NDST3: variants seen among roughly 807,000 people sequenced by gnomAD.
NDST3 encodes N-deacetylase and N-sulfotransferase 3, also known as bifunctional heparan sulfate N-deacetylase/N-sulfotransferase 3.
In NDST3, 58 loss-of-function variants were observed where a neutral mutation model predicts 96.1. The ratio of observed to expected loss-of-function variants is 0.60; its 90% confidence interval spans 0.49 to 0.75. NDST3 has a LOEUF of 0.75. Ranked by LOEUF, NDST3 falls within the 30% of genes least tolerant of loss-of-function variation. The pLI, the probability that NDST3 is intolerant of heterozygous loss-of-function variation, is 0.00. For missense variants in NDST3, 788 were observed against 1,034.2 expected, an observed-to-expected ratio of 0.76 and a Z score of 3.27; for synonymous variants, 333 against 359.7, an observed-to-expected ratio of 0.93 and a Z score of 0.84.
intron 2 of NDST3, chr4:118,055,337 A>G (rs7688063): frequency 0.78 from 156,278 of 200,310 alleles, 63,999 homozygotes; most frequent in South Asian, 0.92. Context: ...TTGGAAGTCA[A>G]ATATGCAGTG....
chr4:118,251,116 A>AT lies in NDST3; in HGVS notation c.2400-2381dup, dbSNP rs1380200612. Among the ~76,000 whole-genome samples, 80 of 123,848 alleles carry AT rather than the reference A, an allele frequency of 6.5e-4. 1 individual carries two copies. Among genetic ancestry groups the AT allele is most frequent in the Non-Finnish European group, 7.1e-4 (41 of 57,530 alleles). The allele number at this position is 123,848 out of a possible 152,430, so 81.2% of individuals were successfully genotyped here. Reference sequence around the variant, plus strand: ...TATTTATTTATTTATTTATTTATTTATTATTTTTATTTTATTTTTTTTTTT... The same window carrying AT: ...TATTTATTTATTTATTTATTTATTTATTTATTTTTATTTTATTTTTTTTTTT... On this transcript the variant is annotated intron_variant, in intron 12 of 13. Transcript: ENST00000296499.
chr4:118,166,509 A>G (rs920741604), intron 6 of NDST3, among the ~76,000 whole-genome samples: 3 of 151,788 alleles, frequency 2.0e-5, no homozygotes, highest in Non-Finnish European at 3.0e-5. Flanking sequence ...CAAACTCTCC[A>G]AAAAAACGGA....
rs59376877 is a variant in NDST3, at chr4:118,184,604, C to T, written c.1540-39887C>T. ...CCCTTTGTCTCTCTCTCTCTCTCTA[C>T]ACACACACACACACACACACACACA... On this transcript the variant is annotated intron_variant, in intron 6 of 13. Transcript: ENST00000296499. 9.2e-3 allele frequency among the ~76,000 whole-genome samples: 1,072 copies of T among 116,266 alleles called. 9 individuals carry two copies. Among genetic ancestry groups the T allele is most frequent in the African/African-American group, 0.048 (1,000 of 20,884 alleles). The allele number at this position is 116,266 out of a possible 152,430, so 76.3% of individuals were successfully genotyped here.
intron 2 of NDST3, among the ~76,000 whole-genome samples, chr4:118,057,171 A>G (rs1250504894): frequency 6.6e-6 from 1 of 152,002 alleles, no homozygotes; most frequent in African/African-American, 2.4e-5. Context: ...AGAGAATATA[A>G]TCATGACATT....
chr4:118,238,143 G>GAA (rs1560738383), intron 10 of NDST3, among the ~76,000 whole-genome samples: 7 of 133,190 alleles, frequency 5.3e-5, no homozygotes, highest in South Asian at 4.7e-4. Flanking sequence ...GAGAGAGAGA[G>GAA]AGAAAAGAAA....
chr4:118,247,795 G>T (rs1040308089), intron 12 of NDST3, among the ~76,000 whole-genome samples: 1 of 152,126 alleles, frequency 6.6e-6, no homozygotes, highest in African/African-American at 2.4e-5. Flanking sequence ...TCAGTAAAAT[G>T]ATTCCTTAAA....
intron 4 of NDST3, among the ~76,000 whole-genome samples, chr4:118,124,292 A>G (rs896644954): frequency 3.1e-4 from 47 of 152,176 alleles, no homozygotes; most frequent in African/African-American, 1.1e-3. Flanking sequence ...TTGAGAATGG[A>G]AGTAATGGTG....
At chr4:118,224,824 T>C (rs1739773152) in intron 7 of NDST3, 151 bp downstream of exon 7, 1 of 634,138 alleles carries the variant, frequency 1.6e-6, no homozygotes, top group East Asian at 2.9e-5. Context: ...TAAACTGTAG[T>C]TGTATATCAT....
chr4:118,142,756 A>G (rs1250289863), intron 5 of NDST3, among the ~76,000 whole-genome samples: 1 of 152,210 alleles, frequency 6.6e-6, no homozygotes, highest in Non-Finnish European at 1.5e-5. Context: ...AGGCTTTATT[A>G]TCTTGCACAA....
At chr4:118,046,781 C>T (rs1175719444) in intron 1 of NDST3, among the ~76,000 whole-genome samples, 2 of 152,168 alleles carry the variant, frequency 1.3e-5, no homozygotes, top group African/African-American at 2.4e-5. Context: ...GGAGCTCACA[C>T]TCTCAAAGCA....
At chr4:118,235,108 T>C (rs1309024755) in intron 9 of NDST3, among the ~76,000 whole-genome samples, 6 of 150,152 alleles carry the variant, frequency 4.0e-5, no homozygotes, top group African/African-American at 1.2e-4. Context: ...ATGTGGAGTA[T>C]TGCAAAAAAA....
intron 4 of NDST3, 107 bp downstream of exon 4, chr4:118,115,067 T>A: frequency 8.2e-7 from 1 of 1,220,070 alleles, no homozygotes; most frequent in Non-Finnish European, 1.2e-6. Flanking sequence ...TTCCATATGA[T>A]CATTTGGAAT....
intron 2 of NDST3, among the ~76,000 whole-genome samples, chr4:118,058,798 C>A (rs1432721013): frequency 6.6e-6 from 1 of 152,004 alleles, no homozygotes; most frequent in African/African-American, 2.4e-5. Context: ...TTAAAAAAAG[C>A]TTCTACCATT....
At chr4:118,105,282 G>A (rs1333051512) in intron 3 of NDST3, among the ~76,000 whole-genome samples, 177 bp downstream of exon 3, 1 of 152,010 alleles carries the variant, frequency 6.6e-6, no homozygotes, top group Non-Finnish European at 1.5e-5. Context: ...TGGTTTGAAA[G>A]TTTATGGAAC....
chr4:118,251,890 G>A (rs889053523), intron 12 of NDST3, among the ~76,000 whole-genome samples: 2 of 152,116 alleles, frequency 1.3e-5, no homozygotes, highest in Non-Finnish European at 2.9e-5. Context: ...GAGAGACTTG[G>A]TATTTTAAAA....
chr4:118,127,470 C>A (rs369908416), intron 4 of NDST3, among the ~76,000 whole-genome samples: 2 of 151,944 alleles, frequency 1.3e-5, no homozygotes, highest in African/African-American at 4.8e-5. Context: ...AATGTATGTT[C>A]TTGGCACCTT....
intron 6 of NDST3, among the ~76,000 whole-genome samples, chr4:118,185,029 C>T (rs1438576814): frequency 6.6e-6 from 1 of 152,042 alleles, no homozygotes; most frequent in African/African-American, 2.4e-5. Flanking sequence ...AATTTTTGTA[C>T]AACATATCCT....
intron 6 of NDST3, among the ~76,000 whole-genome samples, chr4:118,169,966 G>C (rs796069650): frequency 1.7e-4 from 26 of 152,126 alleles, no homozygotes; most frequent in African/African-American, 5.8e-4. Flanking sequence ...GATCTTTACC[G>C]GGGGGCTTAT....
rs1437112925 is a variant in NDST3 at position 118,228,251 on chromosome 4, TTATC to T, written c.1819+1276_1819+1279del. Among the ~76,000 whole-genome samples, 4 of 152,346 alleles carry T rather than the reference TTATC, an allele frequency of 2.6e-5. No homozygotes were observed. In the East Asian group the frequency reaches 5.8e-4, roughly 22 times the overall value. ...TTGTCCTTATTTATTTCACTTGTCC[TTATC>T]TATCTAAAGTCAAAAGGCAACTAGG... On this transcript the variant is annotated intron_variant, in intron 8 of 13. Transcript: ENST00000296499.
Sources: allele counts gnomAD v4.1 joint callset (sites outside exome capture counted in the v4.1 genomes callset), GRCh38; gene constraint gnomAD v4.1.1; transcripts MANE v1.5; gene names NCBI Gene and HGNC (gene_info 2026-07-23, HGNC 2026-07-21).